RTTN: variants seen among roughly 807,000 people sequenced by gnomAD.
RTTN encodes rotatin.
A neutral mutation model predicts 269.2 loss-of-function variants in RTTN; 182 were observed. The observed-to-expected ratio is 0.68, with a 90% CI of 0.60 to 0.76. The LOEUF (loss-of-function observed/expected upper bound fraction) is 0.76, where lower values mean the gene tolerates loss of function less well. Among genes scored for constraint, RTTN ranks in the 30% least tolerant of loss-of-function variants. The pLI is 0.00. For missense variants in RTTN, 2,545 were observed against 2,608.6 expected (o/e 0.98, Z 0.53); for synonymous variants, 1,006 against 963.5 (o/e 1.04, Z -0.82).
chr18:70,098,988 C>T (rs1362754083), intron 28 of RTTN, among the ~76,000 whole-genome samples: 2 of 152,180 alleles, frequency 1.3e-5, no homozygotes, highest in East Asian at 3.8e-4. Context: ...TATTTTATGG[C>T]TGCATAGTAT....
intron 32 of RTTN, among the ~76,000 whole-genome samples, chr18:70,080,922 G>A (rs910725254): frequency 7.7e-6 from 1 of 130,062 alleles, no homozygotes; most frequent in Non-Finnish European, 1.6e-5. Context: ...ACTGGTGTGT[G>A]TGGTATCACA....
chr18:70,180,001 C>T (rs1412580307), intron 10 of RTTN, among the ~76,000 whole-genome samples: 3 of 152,134 alleles, frequency 2.0e-5, no homozygotes, highest in African/African-American at 7.2e-5. Flanking sequence ...ATTTGCACCT[C>T]ACATTTCATG....
intron 7 of RTTN, chr18:70,194,330 G>A (rs2061751054): frequency 6.6e-6 from 1 of 152,198 alleles, no homozygotes; most frequent in Non-Finnish European, 1.5e-5. Flanking sequence ...GGAAAAACTG[G>A]AAGCTTTATA....
chr18:70,109,526 C>T lies in RTTN; in HGVS notation c.3875G>A (p.Cys1292Tyr), dbSNP rs2059405648. 1 of 1,613,910 alleles carries T rather than the reference C, an allele frequency of 6.2e-7. No homozygotes were observed. The highest frequency in any genetic ancestry group is 1.3e-5 in the African/African-American group (1 of 74,896). The change falls in exon 28 of 49, where the codon TGT (cysteine) becomes TAT (tyrosine). Residue 1292 changes from cysteine to tyrosine, a missense_variant. Coordinates refer to ENST00000640769, the MANE Select transcript of RTTN (RefSeq NM_173630.4). The stretch of plus-strand genomic sequence containing the variant: ...AAGGAGACCTGACAAGTACTTCACA[C>T]AGATATCTAGAGGCTTTGTGAGAGG... ...HSPLTKPLDICVKYLSGLLEV... is the reference protein window; with the variant it reads ...HSPLTKPLDIYVKYLSGLLEV...
At chr18:70,169,224 C>A (rs562065125) in intron 11 of RTTN, among the ~76,000 whole-genome samples, 157 bp from the exon 12 acceptor site, 1 of 152,202 alleles carries the variant, frequency 6.6e-6, no homozygotes, top group South Asian at 2.1e-4. Flanking sequence ...TCCCATTTCC[C>A]AACACATCAT....
chr18:70,020,180 CCAT>C (rs1464867098), intron 45 of RTTN, among the ~76,000 whole-genome samples: 1 of 152,078 alleles, frequency 6.6e-6, no homozygotes, highest in African/African-American at 2.4e-5. Context: ...GCTTAACATG[CCAT>C]AAGGAAGTTA....
At chr18:70,201,836 A>T (rs969568816) in intron 4 of RTTN, 58 bp downstream of exon 4, 1 of 1,033,142 alleles carries the variant, frequency 9.7e-7, no homozygotes, top group East Asian at 2.5e-5. Flanking sequence ...TAACGAAAAA[A>T]GTACATTAAT....
rs745431671 is a variant in RTTN, at chr18:70,017,459, G to A, written c.6369C>T (p.Ile2123=). The A allele has an allele frequency of 5.9e-5, 96 of 1,613,888 alleles. 2 individuals are homozygous for A. The South Asian group carries it at 1.0e-3, about 18-fold the overall frequency. ...CAGGACTGAAGCAAACATTATGAAAGATAAGAAGAGGCAATAAAGGGCTGC... is the reference window on the plus strand; with the variant it reads ...CAGGACTGAAGCAAACATTATGAAAAATAAGAAGAGGCAATAAAGGGCTGC... ...HKSSPLLPLL[I]FHNVCFSPAN... The change falls in exon 46 of 49, where the codon ATC becomes ATT. Residue 2123 remains isoleucine (I), a synonymous_variant. Coordinates refer to ENST00000640769, the MANE Select transcript of RTTN (RefSeq NM_173630.4).
At chr18:70,205,575 C>A in intron 1 of RTTN, 53 bp downstream of exon 1, 2 of 1,610,900 alleles carry the variant, frequency 1.2e-6, no homozygotes, top group Non-Finnish European at 1.7e-6. Context: ...CCATTCTCAG[C>A]AAGTGGCCAG....
chr18:70,157,187 C>CA (rs2145842393), intron 14 of RTTN, among the ~76,000 whole-genome samples: 1 of 152,306 alleles, frequency 6.6e-6, no homozygotes, highest in South Asian at 2.1e-4. Context: ...CCACGCCCCC[C>CA]CAGAGCACTT....
At chr18:70,114,687 G>T (rs1199284523) in intron 26 of RTTN, 88 bp from the exon 27 acceptor site, 6 of 1,193,480 alleles carry the variant, frequency 5.0e-6, no homozygotes, top group Non-Finnish European at 7.0e-6. Flanking sequence ...GCAAGTTCTA[G>T]TAAGAGCTAT....
At chr18:70,084,062 G>C (rs2058639667) in intron 32 of RTTN, among the ~76,000 whole-genome samples, 1 of 152,068 alleles carries the variant, frequency 6.6e-6, no homozygotes, top group African/African-American at 2.4e-5. Flanking sequence ...TCTATGTCAT[G>C]ACATGAAGTA....
rs746699064 is a variant in RTTN, at chr18:70,054,174, G to A, written c.5142C>T (p.Thr1714=). 2.5e-6 allele frequency: 4 copies of A among 1,613,100 alleles called. No homozygotes were observed. The South Asian group carries it at 3.3e-5, about 13-fold the overall frequency. The part of the protein sequence containing the change: ...IQDELVKPLI[T]NIIGILTICT... ...ATATGGTGAGAATTCCAATGATATT[G>A]GTGATAAGAGGTTTCACAAGCTCAT... Residue 1714 remains threonine, a synonymous_variant, in exon 38 of 49, where the codon ACC becomes ACT. Transcript: ENST00000640769.
intron 40 of RTTN, among the ~76,000 whole-genome samples, chr18:70,042,639 G>A (rs773824642): frequency 6.6e-6 from 1 of 152,138 alleles, no homozygotes; most frequent in Non-Finnish European, 1.5e-5. Context: ...GCCTCCCAAC[G>A]TGCTGGGATT....
In RTTN at chr18:70,146,006, AAAT is replaced by A. The variant is rs1212026182; in HGVS notation, c.2310-226_2310-224del. Among the ~76,000 whole-genome samples, 10 of 152,342 alleles carry A rather than the reference AAAT, an allele frequency of 6.6e-5. No homozygotes were observed. The South Asian group carries it at 1.2e-3, about 19-fold the overall frequency. On this transcript the variant is annotated intron_variant, in intron 17 of 48. Coordinates refer to ENST00000640769, the MANE Select transcript of RTTN (RefSeq NM_173630.4). ...TTATAAAATAAACATCAGAAACAAAAAATAATAACTACAAATGAGACAGACTCA... is the reference window on the plus strand; with the variant it reads ...TTATAAAATAAACATCAGAAACAAAAAATAACTACAAATGAGACAGACTCA...
At position 70,086,692 on chromosome 18, in the gene RTTN, T is replaced by C. The variant is rs199597732; in HGVS notation, c.4303-8A>G. ...CTGAAGAATAAATGCCGCCTGAAAA[T>C]GTAAAAAAAAAAAAAAAAAAAAAAA... On this transcript the variant is annotated splice_region_variant and splice_polypyrimidine_tract_variant and intron_variant, in intron 31 of 48. Transcript: ENST00000640769. 46 of 170,710 alleles carry C rather than the reference T, an allele frequency of 2.7e-4. No individual in the cohort carries two copies. The African/African-American group carries it at 6.9e-3, about 26-fold the overall frequency. The allele number at this position is 170,710 out of a possible 1,614,324, so 10.6% of individuals were successfully genotyped here.
At position 70,071,052 on chromosome 18, in the gene RTTN, A is replaced by G. The variant is rs144353744; in HGVS notation, c.4653+2854T>C. 2.3e-4 allele frequency among the ~76,000 whole-genome samples: 35 copies of G among 152,272 alleles called. No individual in the cohort carries two copies. In the East Asian group the frequency reaches 5.6e-3, roughly 24 times the overall value. On this transcript the variant is annotated intron_variant, in intron 34 of 48. Transcript: ENST00000640769. ...GACTACACCATCTTTTATGGGATCA[A>G]TCACATCTGGCCTTAGAGTGAAGGA...
At position 70,109,626 on chromosome 18, in the gene RTTN, C is replaced by T; in HGVS notation, c.3775G>A (p.Gly1259Ser). Residue 1259 changes from glycine to serine, a missense_variant, in exon 28 of 49, where the codon GGC becomes AGC. Transcript: ENST00000640769. The stretch of plus-strand genomic sequence containing the variant: ...AAGGTCCGCTCAAGGGACGGCAGGC[C>T]ATAGAAATGAGGCGCATCCGTCACT... The part of the protein sequence containing the change: ...LKVTDAPHFY[G>S]LPSLERTLRG... The T allele has an allele frequency of 1.2e-6, 2 of 1,613,972 alleles. No homozygotes were observed. The highest frequency in any genetic ancestry group is 1.7e-6 in the Non-Finnish European group (2 of 1,180,006).
intron 28 of RTTN, among the ~76,000 whole-genome samples, chr18:70,105,089 C>A (rs2059286103): frequency 1.3e-5 from 2 of 152,202 alleles, no homozygotes. Flanking sequence ...ATGCCCTGCC[C>A]CCAGAAGTGG....
Sources: allele counts gnomAD v4.1 joint callset (sites outside exome capture counted in the v4.1 genomes callset), GRCh38; gene constraint gnomAD v4.1.1; transcripts MANE v1.5; gene names NCBI Gene and HGNC (gene_info 2026-07-23, HGNC 2026-07-21).